The following SHLD1 variants were observed in gnomAD, a reference collection of about 807,000 sequenced individuals.
The protein encoded by SHLD1 is shieldin complex subunit 1.
In SHLD1, 3 loss-of-function variants were observed where a neutral mutation model predicts 5.5. That is an observed-to-expected ratio of 0.54 (90% CI 0.25 to 1.40). SHLD1 has a LOEUF of 1.40. SHLD1 is among the 40% of genes most tolerant of loss of function. The pLI, the probability that SHLD1 is intolerant of heterozygous loss-of-function variation, is 0.15. For missense variants in SHLD1, 210 were observed against 244.4 expected (o/e 0.86, Z 0.94); for synonymous variants, 92 against 94.3 (o/e 0.98, Z 0.14).
At chr20:5,821,510 T>TCAAAA (rs749681534) in intron 2 of SHLD1, among the ~76,000 whole-genome samples, 59 of 152,196 alleles carry the variant, frequency 3.9e-4, no homozygotes, top group East Asian at 1.4e-3. Context: ...TGACTCTATC[T>TCAAAA]CAAAACAAAA....
intron 1 of SHLD1, among the ~76,000 whole-genome samples, chr20:5,758,164 G>A (rs1397188804): frequency 6.6e-6 from 1 of 151,482 alleles, no homozygotes; most frequent in Non-Finnish European, 1.5e-5. Context: ...AAGTGCAGTG[G>A]GAGGAAGCAG....
chr20:5,815,265 GGT>G (rs2087514565), intron 2 of SHLD1, among the ~76,000 whole-genome samples: 1 of 152,130 alleles, frequency 6.6e-6, no homozygotes, highest in South Asian at 2.1e-4. Context: ...TGATTTAATT[GGT>G]ATATAGGGCA....
Position 5,773,601 on chromosome 20 carries a change from T to A in SHLD1, c.178+558T>A, listed in dbSNP as rs571818233. ...GTAAAGCCCTCTCTTTCATATTAAT[T>A]ACCTGATCTGAGTCTGGAGGCCCGC... is the stretch of plus-strand genomic sequence containing the variant. On this transcript the variant is annotated intron_variant, in intron 2 of 2. Coordinates refer to ENST00000303142, the MANE Select transcript of SHLD1 (RefSeq NM_152504.4). Among the ~76,000 whole-genome samples the A allele has an allele frequency of 2.6e-5, 4 of 152,324 alleles. No homozygotes were observed. In the South Asian group the frequency reaches 8.3e-4, roughly 32 times the overall value.
intron 2 of SHLD1, among the ~76,000 whole-genome samples, chr20:5,809,855 G>C (rs552822799): frequency 6.6e-6 from 1 of 152,070 alleles, no homozygotes; most frequent in Admixed American, 6.5e-5. Flanking sequence ...GCCCGATAGC[G>C]CTGAGGGTAT....
intron 1 of SHLD1, among the ~76,000 whole-genome samples, chr20:5,753,156 A>G (rs1024671820): frequency 6.6e-6 from 1 of 152,210 alleles, no homozygotes; most frequent in Non-Finnish European, 1.5e-5. Context: ...ATGCTATACC[A>G]GTGTCAGGTT....
chr20:5,800,076 A>G (rs1011058699), intron 2 of SHLD1, among the ~76,000 whole-genome samples: 29 of 152,316 alleles, frequency 1.9e-4, no homozygotes, highest in Admixed American at 1.6e-3. Context: ...GGTTGTTGCA[A>G]CTGGGTAGGG....
chr20:5,781,739 G>T (rs6139828), intron 2 of SHLD1, among the ~76,000 whole-genome samples: 1 of 151,784 alleles, frequency 6.6e-6, no homozygotes, highest in Admixed American at 6.6e-5. Context: ...TTGGCCTCCC[G>T]AAGTGTTCGG....
Position 5,786,287 on chromosome 20 carries a change from A to T in SHLD1, c.178+13244A>T, listed in dbSNP as rs191874950. Among the ~76,000 whole-genome samples, 6 of 152,284 alleles carry T rather than the reference A, an allele frequency of 3.9e-5. No individual in the cohort carries two copies. The East Asian group carries it at 1.2e-3, about 29-fold the overall frequency. On this transcript the variant is annotated intron_variant, in intron 2 of 2. Transcript: ENST00000303142. The stretch of plus-strand genomic sequence containing the variant: ...TCTGGGTAAAACTTGGCCATAAAGA[A>T]ATTATCTGGCTGGGTGCAGTGGCTC...
chr20:5,795,422 C>A (rs2087197133), intron 2 of SHLD1, among the ~76,000 whole-genome samples: 1 of 151,632 alleles, frequency 6.6e-6, no homozygotes, highest in African/African-American at 2.4e-5. Context: ...TATGGCAAAA[C>A]CCCCCTCTGT....
At chr20:5,859,082 T>TA (rs1228407603) in intron 2 of SHLD1, among the ~76,000 whole-genome samples, 1 of 151,656 alleles carries the variant, frequency 6.6e-6, no homozygotes, top group Non-Finnish European at 1.5e-5. Flanking sequence ...TGTTGTGGGG[T>TA]AAAAAAGCCA....
At chr20:5,812,846 C>T (rs564305823) in intron 2 of SHLD1, among the ~76,000 whole-genome samples, 2 of 152,102 alleles carry the variant, frequency 1.3e-5, no homozygotes, top group Non-Finnish European at 2.9e-5. Flanking sequence ...GACAAAGGCT[C>T]TCCCTCTCTT....
At chr20:5,797,166 A>G (rs77123566) in intron 2 of SHLD1, among the ~76,000 whole-genome samples, 1,526 of 152,284 alleles carry the variant, frequency 0.01, 21 homozygotes, top group African/African-American at 0.031. Flanking sequence ...AAATAAGGAA[A>G]AACAAAAGGG....
chr20:5,812,075 T>C (rs555059576), intron 2 of SHLD1, among the ~76,000 whole-genome samples: 89 of 150,190 alleles, frequency 5.9e-4, no homozygotes, highest in Admixed American at 1.5e-3. Context: ...TTTTCTTTTT[T>C]TTTTCTTTTT....
intron 2 of SHLD1, among the ~76,000 whole-genome samples, chr20:5,777,157 A>G (rs1372549521): frequency 6.6e-6 from 1 of 151,748 alleles, no homozygotes; most frequent in Non-Finnish European, 1.5e-5. Context: ...CCCAGCTAAT[A>G]TTTATATTTT....
intron 2 of SHLD1, among the ~76,000 whole-genome samples, chr20:5,803,881 A>G (rs946703272): frequency 3.6e-5 from 5 of 140,466 alleles, no homozygotes; most frequent in African/African-American, 5.6e-5. Flanking sequence ...AAAAAAATAA[A>G]AAAGATTAAA....
intron 2 of SHLD1, among the ~76,000 whole-genome samples, chr20:5,781,491 G>T (rs1056540843): frequency 1.3e-5 from 2 of 152,010 alleles, no homozygotes; most frequent in African/African-American, 2.4e-5. Flanking sequence ...CACTACTTTT[G>T]TCTTTAGACT....
At chr20:5,754,719 C>T (rs989357025) in intron 1 of SHLD1, among the ~76,000 whole-genome samples, 5 of 152,128 alleles carry the variant, frequency 3.3e-5, no homozygotes, top group Non-Finnish European at 7.3e-5. Context: ...AACTGATTGG[C>T]AATTGGTTGC....
chr20:5,844,897 T>C (rs2087914392), intron 2 of SHLD1, among the ~76,000 whole-genome samples: 1 of 150,258 alleles, frequency 6.7e-6, no homozygotes, highest in Non-Finnish European at 1.5e-5. Context: ...TGGGTTCAAA[T>C]GATTCTTGTG....
At chr20:5,813,865 A>G (rs1448404247) in intron 2 of SHLD1, among the ~76,000 whole-genome samples, 3 of 152,162 alleles carry the variant, frequency 2.0e-5, no homozygotes, top group African/African-American at 7.2e-5. Flanking sequence ...GCAAAAATGA[A>G]ACAAACAAAA....
Sources: allele counts gnomAD v4.1 joint callset (sites outside exome capture counted in the v4.1 genomes callset), GRCh38; gene constraint gnomAD v4.1.1; transcripts MANE v1.5; gene names NCBI Gene and HGNC (gene_info 2026-07-23, HGNC 2026-07-21).